DPY19L3: variants seen among roughly 807,000 people sequenced by gnomAD.
The protein encoded by DPY19L3 is protein C-mannosyl-transferase DPY19L3.
Under a neutral mutation model 92.3 loss-of-function variants are expected in DPY19L3, and 51 were observed. That is an observed-to-expected ratio of 0.55 (90% CI 0.44 to 0.70). DPY19L3 has a LOEUF of 0.70. Among genes scored for constraint, DPY19L3 ranks in the 30% least tolerant of loss-of-function variants. The pLI is 0.00. For missense variants in DPY19L3, 706 were observed against 855.9 expected, an observed-to-expected ratio of 0.82 and a Z score of 2.18; for synonymous variants, 309 against 315.2, an observed-to-expected ratio of 0.98 and a Z score of 0.21.
intron 3 of DPY19L3, 32 bp downstream of exon 3, chr19:32,411,404 A>T: frequency 6.2e-7 from 1 of 1,612,360 alleles, no homozygotes; most frequent in South Asian, 1.1e-5. Flanking sequence ...TGTATCATTC[A>T]CTCAGTGGGA....
intron 8 of DPY19L3, among the ~76,000 whole-genome samples, chr19:32,447,773 A>ATAGATAGAT (rs1555721938): frequency 1.6e-5 from 2 of 123,330 alleles, no homozygotes; most frequent in South Asian, 2.7e-4. Flanking sequence ...AGATAGATAG[A>ATAGATAGAT]TAGATTAGAT....
At chr19:32,459,823 A>G (rs1469186420) in intron 12 of DPY19L3, among the ~76,000 whole-genome samples, 1 of 152,242 alleles carries the variant, frequency 6.6e-6, no homozygotes. Flanking sequence ...ATTAGAGGAA[A>G]AGCACTACAT....
chr19:32,456,779 A>G (rs1969879400), intron 10 of DPY19L3, among the ~76,000 whole-genome samples: 2 of 152,136 alleles, frequency 1.3e-5, no homozygotes, highest in Admixed American at 6.5e-5. Flanking sequence ...TCCTGATGGA[A>G]TTATTACACA....
chr19:32,439,665 A>T (rs1171078754), intron 7 of DPY19L3, 111 bp from the exon 8 acceptor site: 1 of 1,085,700 alleles, frequency 9.2e-7, no homozygotes, highest in Non-Finnish European at 1.3e-6. Context: ...GCAACAGTTT[A>T]TGGTTTTTCT....
rs1333991618 is a variant in DPY19L3, at chr19:32,437,249, T to C, written c.506T>C (p.Ile169Thr). The C allele has an allele frequency of 1.2e-6, 2 of 1,614,156 alleles. No homozygotes were observed. The highest frequency in any genetic ancestry group is 2.2e-5 in the East Asian group (1 of 44,882). The change falls in exon 6 of 19, where the codon ATC becomes ACC. Residue 169 changes from isoleucine to threonine, a missense_variant. Physicochemically the swap from Ile to Thr is moderately conservative, Grantham distance 89. Coordinates refer to ENST00000392250, the MANE Select transcript of DPY19L3 (RefSeq NM_001172774.2). ...YIYTLFGLQA[I>T]YVTALYITSW... ...TACACCTTATTTGGGCTCCAGGCGA[T>C]CTATGTCACAGCTCTCTACATAACC... is the stretch of plus-strand genomic sequence containing the variant.
At chr19:32,413,570 A>C (rs537316480) in intron 3 of DPY19L3, among the ~76,000 whole-genome samples, 130 of 151,818 alleles carry the variant, frequency 8.6e-4, no homozygotes, top group African/African-American at 3.0e-3. Context: ...ATCTAGCATT[A>C]GGTATATCTC....
chr19:32,458,057 C>T (rs374312156), intron 10 of DPY19L3, 43 bp from the exon 11 acceptor site: 6 of 1,486,494 alleles, frequency 4.0e-6, no homozygotes, highest in East Asian at 2.3e-5. Context: ...GAAACCGTGC[C>T]TAAAGGACTA....
intron 16 of DPY19L3, among the ~76,000 whole-genome samples, chr19:32,476,482 C>T (rs1970513374): frequency 7.0e-6 from 1 of 143,654 alleles, no homozygotes; most frequent in Non-Finnish European, 1.5e-5. Context: ...TTAGGGCCTC[C>T]TGAGAAATTA....
At chr19:32,479,542 A>G in intron 17 of DPY19L3, 1 of 393,612 alleles carries the variant, frequency 2.5e-6, no homozygotes, top group Non-Finnish European at 5.0e-6. Context: ...ACAGCATCCT[A>G]CCTCCCTACC....
At chr19:32,476,314 G>C (rs1162126540) in intron 16 of DPY19L3, among the ~76,000 whole-genome samples, 1 of 152,032 alleles carries the variant, frequency 6.6e-6, no homozygotes, top group African/African-American at 2.4e-5. Context: ...GAATTTTAAT[G>C]ATTTTAAATA....
chr19:32,428,518 A>C (rs530722817), intron 3 of DPY19L3, among the ~76,000 whole-genome samples: 17 of 152,286 alleles, frequency 1.1e-4, no homozygotes, highest in African/African-American at 4.1e-4. Context: ...AAGAGGAACC[A>C]CTGGGATGCG....
At chr19:32,460,658 A>G (rs113171751) in intron 12 of DPY19L3, among the ~76,000 whole-genome samples, 212 of 152,348 alleles carry the variant, frequency 1.4e-3, no homozygotes, top group African/African-American at 4.6e-3. Flanking sequence ...ACTAGGCAAT[A>G]GGAATTTTTC....
intron 8 of DPY19L3, among the ~76,000 whole-genome samples, chr19:32,449,332 A>G (rs1969622229): frequency 6.6e-6 from 1 of 152,218 alleles, no homozygotes; most frequent in Non-Finnish European, 1.5e-5. Context: ...ACTGTTGTTA[A>G]GATGGCAGTG....
chr19:32,468,238 A>G (rs1035482956), intron 15 of DPY19L3: 2 of 953,068 alleles, frequency 2.1e-6, no homozygotes, highest in Non-Finnish European at 2.5e-6. Flanking sequence ...CATCCATGTC[A>G]TGGGTTATTG....
At chr19:32,444,771 A>G (rs1208762303) in intron 8 of DPY19L3, among the ~76,000 whole-genome samples, 1 of 152,146 alleles carries the variant, frequency 6.6e-6, no homozygotes, top group Non-Finnish European at 1.5e-5. Context: ...AATTTAAATG[A>G]CAGTGAATTC....
At chr19:32,434,600 G>A (rs757145241) in intron 4 of DPY19L3, among the ~76,000 whole-genome samples, 10 of 152,182 alleles carry the variant, frequency 6.6e-5, no homozygotes, top group Admixed American at 3.3e-4. Context: ...TGGAGGTTGC[G>A]GTGAGCCGAG....
rs1970715680 is a variant in DPY19L3 at position 32,482,915 on chromosome 19, A to T, written c.*675A>T. 1 of 152,268 alleles carries T rather than the reference A, an allele frequency of 6.6e-6. No homozygotes were observed. Among genetic ancestry groups the T allele is most frequent in the African/African-American group, 2.4e-5 (1 of 41,478 alleles). 9.4% of individuals were successfully genotyped at this position (152,268 alleles called of 1,614,324 possible). ...ACACATGTGTTTTAATGCTGGGCAC[A>T]GAAAAGTGTTACAAGTTCCATATCG... On this transcript the variant is annotated 3_prime_UTR_variant, in exon 19 of 19. Transcript: ENST00000392250.
At chr19:32,457,655 G>A (rs548324201) in intron 10 of DPY19L3, among the ~76,000 whole-genome samples, 17 of 152,300 alleles carry the variant, frequency 1.1e-4, no homozygotes, top group South Asian at 6.2e-4. Flanking sequence ...TTGTCTTTGA[G>A]TGAATAAGTC....
rs1289352343 is a variant in DPY19L3 at position 32,483,067 on chromosome 19, T to C, written c.*827T>C. 1 of 152,256 alleles carries C rather than the reference T, an allele frequency of 6.6e-6. No individual in the cohort carries two copies. Among genetic ancestry groups the C allele is most frequent in the Non-Finnish European group, 1.5e-5 (1 of 68,044 alleles). The allele number at this position is 152,256 out of a possible 1,614,324, so 9.4% of individuals were successfully genotyped here. On this transcript the variant is annotated 3_prime_UTR_variant, in exon 19 of 19. Coordinates refer to ENST00000392250, the MANE Select transcript of DPY19L3 (RefSeq NM_001172774.2). ...GTAATAGTTTTGCTTTATTTCTTAC[T>C]CATTTCAATTTATTGGGTTTGCAAA...
Sources: allele counts gnomAD v4.1 joint callset (sites outside exome capture counted in the v4.1 genomes callset), GRCh38; gene constraint gnomAD v4.1.1; transcripts MANE v1.5; gene names NCBI Gene and HGNC (gene_info 2026-07-23, HGNC 2026-07-21).